The following SRFBP1 variants were observed in gnomAD, a reference collection of about 807,000 sequenced individuals.
SRFBP1 encodes serum response factor-binding protein 1.
SRFBP1 carries 47 observed loss-of-function variants against 45.5 expected under a neutral mutation model. The observed-to-expected ratio is 1.03, with a 90% CI of 0.82 to 1.32. The LOEUF is 1.32. Ranked by LOEUF, SRFBP1 falls within the 40% of genes most tolerant of loss-of-function variation. The pLI is 0.00. For synonymous variants in SRFBP1, 203 were observed against 166.3 expected (o/e 1.22, Z -1.70); for missense variants, 621 against 484.6 (o/e 1.28, Z -2.64).
chr5:122,001,792 A>T (rs995354547), intron 4 of SRFBP1, among the ~76,000 whole-genome samples: 3 of 151,498 alleles, frequency 2.0e-5, no homozygotes, highest in African/African-American at 4.9e-5. Flanking sequence ...CGATCTCCTG[A>T]CCTCATGATC....
chr5:122,070,880 G>T (rs924192074), intron 2 of SRFBP1: 3 of 211,742 alleles, frequency 1.4e-5, no homozygotes, highest in South Asian at 1.8e-4. Flanking sequence ...CTCTACCAAA[G>T]TTCTAGAATT....
chr5:122,026,941 G>C lies in SRFBP1; in HGVS notation c.1106-1G>C, dbSNP rs1210802687. ...TTATTATTTTTGCTTTCTCTTCCTAGATTTTCCACAGAATGAGCCTCAGAT... is the reference window on the plus strand; with the variant it reads ...TTATTATTTTTGCTTTCTCTTCCTACATTTTCCACAGAATGAGCCTCAGAT... On this transcript the variant is annotated splice_acceptor_variant, in intron 7 of 7. Coordinates refer to ENST00000339397, the MANE Select transcript of SRFBP1 (RefSeq NM_152546.3). LOFTEE classifies it high-confidence loss of function. The C allele has an allele frequency of 2.5e-6, 4 of 1,599,598 alleles. No homozygotes were observed. Among genetic ancestry groups the C allele is most frequent in the Non-Finnish European group, 3.4e-6 (4 of 1,174,442 alleles).
At chr5:122,005,969 A>G (rs1752964919) in intron 4 of SRFBP1, among the ~76,000 whole-genome samples, 1 of 152,170 alleles carries the variant, frequency 6.6e-6, no homozygotes, top group African/African-American at 2.4e-5. Flanking sequence ...GAGATTCTAA[A>G]TTTGACTATG....
chr5:121,962,483 G>C (rs1751969226), intron 1 of SRFBP1, among the ~76,000 whole-genome samples: 1 of 152,188 alleles, frequency 6.6e-6, no homozygotes, highest in South Asian at 2.1e-4. Flanking sequence ...AAGAGAGAAA[G>C]TAAGAGCTGT....
chr5:122,043,178 T>C (rs1753797710), intron 2 of SRFBP1, among the ~76,000 whole-genome samples: 1 of 152,152 alleles, frequency 6.6e-6, no homozygotes, highest in Non-Finnish European at 1.5e-5. Flanking sequence ...TTTCCTTCTG[T>C]TACTATGAAA....
chr5:122,073,639 G>A (rs1039681973), intron 2 of SRFBP1, among the ~76,000 whole-genome samples: 64 of 152,152 alleles, frequency 4.2e-4, no homozygotes, highest in African/African-American at 1.5e-3. Flanking sequence ...TTTTCAGAGA[G>A]TAAATTTTTG....
chr5:121,998,161 C>G (rs550964127), intron 4 of SRFBP1, among the ~76,000 whole-genome samples: 6 of 151,480 alleles, frequency 4.0e-5, no homozygotes, highest in African/African-American at 1.4e-4. Context: ...CATCCCATTA[C>G]TGGGTATATA....
chr5:122,014,843 T>C (rs923225368), intron 4 of SRFBP1, among the ~76,000 whole-genome samples: 2 of 152,202 alleles, frequency 1.3e-5, no homozygotes, highest in Admixed American at 6.5e-5. Context: ...TGGGAAGATA[T>C]AGCTAACTCT....
chr5:122,052,128 A>G (rs918524301), intron 2 of SRFBP1, among the ~76,000 whole-genome samples: 4 of 152,190 alleles, frequency 2.6e-5, no homozygotes, highest in African/African-American at 9.6e-5. Flanking sequence ...TGTTAGCTTG[A>G]TGGGATTCCC....
chr5:121,996,785 C>T (rs1166135285), intron 4 of SRFBP1, among the ~76,000 whole-genome samples: 2 of 125,998 alleles, frequency 1.6e-5, no homozygotes, highest in East Asian at 5.1e-4. Flanking sequence ...AGCCCAAAAT[C>T]TCCTTAAGCT....
intron 4 of SRFBP1, among the ~76,000 whole-genome samples, chr5:122,012,489 T>G (rs895222158): frequency 1.3e-5 from 2 of 152,250 alleles, no homozygotes; most frequent in Non-Finnish European, 2.9e-5. Flanking sequence ...ATAACTAATG[T>G]GTATGTTAAT....
intron 4 of SRFBP1, among the ~76,000 whole-genome samples, chr5:122,014,578 A>T (rs1343636611): frequency 6.6e-6 from 1 of 152,204 alleles, no homozygotes; most frequent in African/African-American, 2.4e-5. Context: ...AAATTAAAAA[A>T]ATCTTCATTC....
At chr5:122,020,830 A>G (rs1753301510) in intron 6 of SRFBP1, 28 bp downstream of exon 6, 2 of 1,492,112 alleles carry the variant, frequency 1.3e-6, no homozygotes, top group Non-Finnish European at 1.8e-6. Flanking sequence ...TTCTGAAATA[A>G]TCATTAGTTC....
chr5:122,077,452 A>G (rs144768703), downstream of SRFBP1: 438 of 1,614,088 alleles, frequency 2.7e-4, no homozygotes, highest in Non-Finnish European at 2.6e-4. The surrounding 1 kb of genome is among the most constrained non-coding windows in gnomAD (Gnocchi z 4.9). Flanking sequence ...GGTTGTCGTC[A>G]GAGTACTTGT....
At chr5:122,058,873 A>G (rs1754127948) in intron 2 of SRFBP1, among the ~76,000 whole-genome samples, 1 of 152,158 alleles carries the variant, frequency 6.6e-6, no homozygotes. Flanking sequence ...TTATTTATTT[A>G]TGCCAACCAA....
intron 3 of SRFBP1, among the ~76,000 whole-genome samples, chr5:121,982,441 C>G (rs1285054999): frequency 2.0e-5 from 3 of 151,850 alleles, no homozygotes; most frequent in Non-Finnish European, 2.9e-5. Context: ...TCCTGAAATT[C>G]TTAACACTTT....
In SRFBP1 at chr5:122,020,664, T is replaced by G; in HGVS notation, c.929T>G (p.Leu310Arg). The G allele has an allele frequency of 6.2e-7, 1 of 1,613,918 alleles. No individual in the cohort carries two copies. Reference sequence around the variant, plus strand: ...TCTTCAGTTAAGGAACAAAAACCACTAGAAAAAGTGTTTCTTAAAGAAGAT... The same window carrying G: ...TCTTCAGTTAAGGAACAAAAACCACGAGAAAAAGTGTTTCTTAAAGAAGAT... ...CHSSVKEQKPLEKVFLKEDTG... is the reference protein window; with the variant it reads ...CHSSVKEQKPREKVFLKEDTG... The change falls in exon 6 of 8, where the codon CTA (leucine) becomes CGA (arginine). Residue 310 changes from leucine to arginine, a missense_variant. By Grantham distance (102) the Leu-to-Arg change is moderately radical. Coordinates refer to ENST00000339397, the MANE Select transcript of SRFBP1 (RefSeq NM_152546.3).
At chr5:122,040,427 AAGTCATTCTC>A (rs1753756581) in intron 2 of SRFBP1, among the ~76,000 whole-genome samples, 1 of 152,180 alleles carries the variant, frequency 6.6e-6, no homozygotes, top group Non-Finnish European at 1.5e-5. Flanking sequence ...TTTTGAAAGA[AAGTCATTCTC>A]CATGTTGTTT....
At chr5:122,025,881 G>A (rs575836541) in intron 7 of SRFBP1, among the ~76,000 whole-genome samples, 4 of 152,186 alleles carry the variant, frequency 2.6e-5, no homozygotes, top group South Asian at 2.1e-4. Flanking sequence ...TGGGTGGATC[G>A]TCTGAGGTCA....
Sources: gnomAD v4.1 joint callset for allele counts (sites outside exome capture counted in the v4.1 genomes callset) on GRCh38, gnomAD v4.1.1 for gene constraint, Gnocchi (gnomAD v3.1) non-coding constraint, MANE v1.5 for transcripts, NCBI Gene and HGNC (gene_info 2026-07-23, HGNC 2026-07-21) for gene names.